Variants in ANO1 observed in about 807,000 individuals in gnomAD.
The protein encoded by ANO1 is anoctamin 1.
ANO1 carries 59 observed loss-of-function variants against 124.0 expected under a neutral mutation model. The observed-to-expected ratio is 0.48, with a 90% CI of 0.39 to 0.59. The LOEUF is 0.59. Ranked by LOEUF, ANO1 falls within the 20% of genes least tolerant of loss-of-function variation. The pLI, the probability that ANO1 is intolerant of heterozygous loss-of-function variation, is 0.00. For synonymous variants in ANO1, 529 were observed against 532.0 expected (o/e 0.99, Z 0.08); for missense variants, 1,059 against 1,328.0 (o/e 0.80, Z 3.15).
At chr11:70,063,004 A>G (rs1555007988) in intron 1 of ANO1, among the ~76,000 whole-genome samples, 1 of 152,118 alleles carries the variant, frequency 6.6e-6, no homozygotes, top group African/African-American at 2.4e-5. Flanking sequence ...ATCTCGGCTC[A>G]CTGCAACCTC....
rs1857241913 is a variant in ANO1, at chr11:70,045,306, T to C, written c.59-33236T>C. On this transcript the variant is annotated intron_variant, in intron 1 of 27. Coordinates refer to the ANO1 transcript ENST00000531349. ...TAAAAATCCAATATTTCCTTTTTCATTGGTAGAAGTCCAACTCACAAGTAC... is the reference window on the plus strand; with the variant it reads ...TAAAAATCCAATATTTCCTTTTTCACTGGTAGAAGTCCAACTCACAAGTAC... Among the ~76,000 whole-genome samples the C allele has an allele frequency of 3.3e-5, 5 of 152,214 alleles. No homozygotes were observed. The South Asian group carries it at 1.0e-3, about 31-fold the overall frequency.
the ANO1 span, among the ~76,000 whole-genome samples, chr11:69,978,954 G>C: frequency 6.6e-6 from 1 of 152,156 alleles, no homozygotes; most frequent in Non-Finnish European, 1.5e-5. Context: ...AAACAACCAG[G>C]CTGTGTTTTC....
At chr11:69,983,684 C>T (rs182599806), upstream of ANO1, among the ~76,000 whole-genome samples, 94 of 152,276 alleles carry the variant, frequency 6.2e-4, no homozygotes, top group African/African-American at 2.1e-3. Context: ...AAATAGCAGC[C>T]GAGAGCAATC....
intron 21 of ANO1, 77 bp from the exon 22 acceptor site, chr11:70,170,810 G>C (rs1590914822): frequency 3.3e-6 from 5 of 1,525,496 alleles, no homozygotes; most frequent in East Asian, 4.8e-5. Context: ...TGTGCGGCTC[G>C]GCACACGGGG....
rs188921995 is a variant in ANO1, at chr11:70,182,984, C to T, written c.2588+298C>T. On this transcript the variant is annotated intron_variant, in intron 24 of 25. Transcript: ENST00000355303. ...AATAGCCGGGCGTTGTGGCACTCAC[C>T]TGTAGTTCTAGCTACTCGGGAGGCT... Among the ~76,000 whole-genome samples, 718 of 152,252 alleles carry T rather than the reference C, an allele frequency of 4.7e-3. 4 individuals are homozygous for T. The highest frequency in any genetic ancestry group is 0.012 in the African/African-American group (497 of 41,538).
intron 8 of ANO1, among the ~76,000 whole-genome samples, chr11:70,121,306 A>C (rs1444751293): frequency 1.6e-4 from 17 of 108,656 alleles, no homozygotes; most frequent in Admixed American, 3.2e-4. Flanking sequence ...CTGTCTCTCC[A>C]TCTGCCTCTG....
chr11:69,970,504 T>A, the ANO1 span, among the ~76,000 whole-genome samples: 1 of 152,162 alleles, frequency 6.6e-6, no homozygotes, highest in Admixed American at 6.5e-5. Context: ...GCAGGGGCTG[T>A]TTGCTTTAGC....
At chr11:70,099,417 C>T (rs1313233525) in intron 2 of ANO1, among the ~76,000 whole-genome samples, 3 of 152,194 alleles carry the variant, frequency 2.0e-5, no homozygotes, top group Non-Finnish European at 4.4e-5. Flanking sequence ...GCCACCGGCT[C>T]CTTGACCACC....
chr11:70,095,899 G>A (rs1197431870), intron 2 of ANO1, among the ~76,000 whole-genome samples: 2 of 152,116 alleles, frequency 1.3e-5, no homozygotes, highest in Non-Finnish European at 2.9e-5. Flanking sequence ...GTTCTATTTG[G>A]TTCTTTTCCA....
the ANO1 span, among the ~76,000 whole-genome samples, chr11:69,975,133 C>G: frequency 1.3e-5 from 2 of 152,182 alleles, no homozygotes; most frequent in Non-Finnish European, 2.9e-5. Flanking sequence ...CTAACCTGCT[C>G]TCTCCGGGTC....
chr11:70,067,323 G>GGT lies in ANO1; in HGVS notation c.59-11219_59-11218insGT, dbSNP rs1555008734. On this transcript the variant is annotated intron_variant, in intron 1 of 27. Coordinates refer to the ANO1 transcript ENST00000531349. ...TCCAAGGGGACAAGGAATCGTGGGT[G>GGT]TTTTTTTTTTTTTTTTTTTTTTGAG... is the stretch of plus-strand genomic sequence containing the variant. Among the ~76,000 whole-genome samples the GGT allele has an allele frequency of 7.6e-4, 96 of 126,506 alleles. 34 individuals are homozygous for GGT. The highest frequency in any genetic ancestry group is 7.8e-4 in the South Asian group (3 of 3,870). 83.0% of individuals were successfully genotyped at this position (126,506 alleles called of 152,430 possible).
chr11:70,167,172 A>G, intron 20 of ANO1, 70 bp from the exon 21 acceptor site: 7 of 1,561,458 alleles, frequency 4.5e-6, no homozygotes, highest in Non-Finnish European at 5.2e-6. Flanking sequence ...ACACATCACT[A>G]GAGGTGCCAG....
At chr11:69,993,791 T>C (rs1591021351) in intron 1 of ANO1, among the ~76,000 whole-genome samples, 2 of 152,348 alleles carry the variant, frequency 1.3e-5, no homozygotes, top group South Asian at 2.1e-4. Context: ...CAGGCGGGGC[T>C]CACCTGCCTC....
chr11:70,038,502 C>G (rs1029704571), intron 1 of ANO1, among the ~76,000 whole-genome samples: 1 of 152,208 alleles, frequency 6.6e-6, no homozygotes, highest in Non-Finnish European at 1.5e-5. Flanking sequence ...AGAAAGTAAA[C>G]TAGCCTTGCT....
chr11:70,111,712 A>G lies in ANO1; in HGVS notation c.805A>G (p.Thr269Ala), dbSNP rs758460101. Residue 269 changes from threonine (T) to alanine (A), a missense_variant, in exon 7 of 26, where the codon ACG becomes GCG. Transcript: ENST00000355303. ...TCTCTGCCTCTGTTTTTAAGGCATC[A>G]CGAGCCTGCTGGCCAATGGTGTGTA... Reference protein sequence around the residue: ...CTKAKYSMGITSLLANGVYAA... With the variant: ...CTKAKYSMGIASLLANGVYAA... 1.2e-6 allele frequency: 2 copies of G among 1,614,020 alleles called. No homozygotes were observed. The highest frequency in any genetic ancestry group is 1.7e-6 in the Non-Finnish European group (2 of 1,179,892).
the ANO1 span, among the ~76,000 whole-genome samples, chr11:69,972,884 AT>A: frequency 2.3e-4 from 33 of 143,794 alleles, no homozygotes; most frequent in African/African-American, 6.6e-4. Context: ...CCTATCTGGC[AT>A]TTTTTTTTCT....
At chr11:70,148,303 G>A (rs923554525) in intron 11 of ANO1, among the ~76,000 whole-genome samples, 7 of 149,876 alleles carry the variant, frequency 4.7e-5, no homozygotes, top group African/African-American at 1.3e-4. Context: ...TGGGAATAGC[G>A]CCTACCTCCT....
intron 10 of ANO1, among the ~76,000 whole-genome samples, chr11:70,126,987 G>A (rs12786645): frequency 0.079 from 9,288 of 117,326 alleles, 29 homozygotes; most frequent in Admixed American, 0.15. Context: ...CGGGAGGTGA[G>A]ACATGAATGC....
At chr11:70,183,864 G>C (rs529607130) in intron 24 of ANO1, among the ~76,000 whole-genome samples, 5 of 152,234 alleles carry the variant, frequency 3.3e-5, no homozygotes, top group Non-Finnish European at 7.3e-5. Context: ...TCCATCCCTG[G>C]GGTGGGGTCT....
Sources: gnomAD v4.1 joint callset for allele counts (sites outside exome capture counted in the v4.1 genomes callset) on GRCh38, gnomAD v4.1.1 for gene constraint, MANE v1.5 for transcripts, NCBI Gene and HGNC (gene_info 2026-07-23, HGNC 2026-07-21) for gene names.